CNTNAP2: variants seen among roughly 807,000 people sequenced by gnomAD.
The protein encoded by CNTNAP2 is contactin-associated protein-like 2.
Under a neutral mutation model 155.2 loss-of-function variants are expected in CNTNAP2, and 98 were observed. The observed-to-expected ratio is 0.63, with a 90% confidence interval of 0.54 to 0.75. CNTNAP2 has a LOEUF of 0.75. CNTNAP2 is among the 30% of genes least tolerant of loss of function. The pLI, the probability that CNTNAP2 is intolerant of heterozygous loss-of-function variation, is 0.00. For synonymous variants in CNTNAP2, 651 were observed against 631.2 expected, an observed-to-expected ratio of 1.03 and a Z score of -0.47; for missense variants, 1,727 against 1,688.1, an observed-to-expected ratio of 1.02 and a Z score of -0.40.
chr7:147,198,200 C>A (rs978372433), intron 8 of CNTNAP2, among the ~76,000 whole-genome samples: 4 of 149,416 alleles, frequency 2.7e-5, no homozygotes, highest in Admixed American at 6.7e-5. Context: ...ACTTGGCTAA[C>A]CAAAATGCCA....
At chr7:147,538,334 C>T (rs1180606412) in intron 11 of CNTNAP2, among the ~76,000 whole-genome samples, 1 of 152,060 alleles carries the variant, frequency 6.6e-6, no homozygotes, top group East Asian at 1.9e-4. Flanking sequence ...CCCTGTTAAA[C>T]AATTAGTAAA....
At chr7:148,147,884 C>T (rs888536584) in intron 17 of CNTNAP2, among the ~76,000 whole-genome samples, 175 bp downstream of exon 17, 1 of 152,170 alleles carries the variant, frequency 6.6e-6, no homozygotes, top group African/African-American at 2.4e-5. Context: ...GAAGAAGTTT[C>T]AGGAGACCTA....
chr7:146,824,320 C>G (rs1181760321), intron 2 of CNTNAP2, among the ~76,000 whole-genome samples: 1 of 152,148 alleles, frequency 6.6e-6, no homozygotes, highest in African/African-American at 2.4e-5. Context: ...CAAGTCTTTG[C>G]TATCATAAAT....
intron 16 of CNTNAP2, among the ~76,000 whole-genome samples, chr7:148,143,414 C>A (rs1805114016): frequency 6.6e-6 from 1 of 152,158 alleles, no homozygotes; most frequent in African/African-American, 2.4e-5. Context: ...TGTGGTGGCT[C>A]ATGCCTGTAA....
intron 1 of CNTNAP2, among the ~76,000 whole-genome samples, chr7:146,554,268 A>T (rs867619525): frequency 2.6e-5 from 4 of 152,194 alleles, no homozygotes; most frequent in Non-Finnish European, 2.9e-5. Flanking sequence ...ACTCATTTTT[A>T]TAGCTTCTAA....
At chr7:147,056,302 T>C (rs1231143447) in intron 4 of CNTNAP2, among the ~76,000 whole-genome samples, 1 of 152,206 alleles carries the variant, frequency 6.6e-6, no homozygotes, top group Admixed American at 6.5e-5. Flanking sequence ...GCTGTATTTG[T>C]GTATCATAAA....
At chr7:146,582,701 C>A (rs545650250) in intron 1 of CNTNAP2, among the ~76,000 whole-genome samples, 1 of 152,120 alleles carries the variant, frequency 6.6e-6, no homozygotes, top group East Asian at 1.9e-4. Flanking sequence ...ATGCAGAGAC[C>A]AGATCACTCT....
At chr7:147,653,535 A>T (rs1452741068) in intron 13 of CNTNAP2, among the ~76,000 whole-genome samples, 1 of 152,206 alleles carries the variant, frequency 6.6e-6, no homozygotes, top group Non-Finnish European at 1.5e-5. Context: ...AAAACAAACA[A>T]ACAAAAATAT....
At chr7:147,927,739 C>T (rs1417754610) in intron 14 of CNTNAP2, among the ~76,000 whole-genome samples, 4 of 152,132 alleles carry the variant, frequency 2.6e-5, no homozygotes, top group Admixed American at 2.6e-4. Flanking sequence ...GAAATAACTA[C>T]TGATATTCCC....
chr7:146,361,999 T>C (rs2191699), intron 1 of CNTNAP2, among the ~76,000 whole-genome samples: 34,090 of 152,052 alleles, frequency 0.22, 8,041 homozygotes, highest in African/African-American at 0.6. Flanking sequence ...TATTAAAAAA[T>C]ATATAAATAG....
intron 1 of CNTNAP2, among the ~76,000 whole-genome samples, chr7:146,627,961 C>A (rs1188752246): frequency 6.6e-6 from 1 of 152,006 alleles, no homozygotes; most frequent in Non-Finnish European, 1.5e-5. Flanking sequence ...TATGTATATA[C>A]AAATTTATGT....
intron 21 of CNTNAP2, among the ~76,000 whole-genome samples, chr7:148,374,748 C>T (rs1320487518): frequency 1.3e-5 from 2 of 152,186 alleles, no homozygotes; most frequent in African/African-American, 4.8e-5. Context: ...GAGTAAGAAG[C>T]AGGTCTGTTC....
chr7:147,301,560 A>G (rs2116772485), intron 9 of CNTNAP2, among the ~76,000 whole-genome samples: 1 of 151,238 alleles, frequency 6.6e-6, no homozygotes, highest in Non-Finnish European at 1.5e-5. Context: ...TTAATTAAAT[A>G]TATAGTTATA....
At chr7:148,247,365 C>T (rs548232130) in intron 20 of CNTNAP2, among the ~76,000 whole-genome samples, 2 of 152,196 alleles carry the variant, frequency 1.3e-5, no homozygotes, top group Non-Finnish European at 2.9e-5. Flanking sequence ...AATCAGCCCT[C>T]GACCCTTCTC....
chr7:148,095,254 G>A (rs912278668), intron 15 of CNTNAP2, among the ~76,000 whole-genome samples: 6 of 152,122 alleles, frequency 3.9e-5, no homozygotes, highest in Admixed American at 6.5e-5. Context: ...ATGAGCCTGC[G>A]CTGTTCAGTA....
chr7:147,264,024 A>G (rs1167918114), intron 8 of CNTNAP2, among the ~76,000 whole-genome samples: 1 of 152,186 alleles, frequency 6.6e-6, no homozygotes, highest in Non-Finnish European at 1.5e-5. Flanking sequence ...TAGCATTCCA[A>G]CCTAGGAAGC....
intron 11 of CNTNAP2, among the ~76,000 whole-genome samples, chr7:147,504,631 G>A (rs1378923154): frequency 6.6e-6 from 1 of 150,780 alleles, no homozygotes; most frequent in Non-Finnish European, 1.5e-5. Context: ...AGAGGTTGCA[G>A]TGACCCGAGA....
chr7:147,616,035 A>T (rs1801284849), intron 12 of CNTNAP2, among the ~76,000 whole-genome samples: 4 of 152,028 alleles, frequency 2.6e-5, no homozygotes, highest in Admixed American at 1.3e-4. Context: ...ATTCAGTCCA[A>T]AATTCTCACA....
At chr7:148,165,605 C>T (rs574059953) in intron 17 of CNTNAP2, among the ~76,000 whole-genome samples, 135 of 152,288 alleles carry the variant, frequency 8.9e-4, no homozygotes, top group Non-Finnish European at 1.5e-3. Flanking sequence ...CACACTCCTA[C>T]GCGGTGCATA....
Sources: allele counts gnomAD v4.1 joint callset (sites outside exome capture counted in the v4.1 genomes callset), GRCh38; gene constraint gnomAD v4.1.1; transcripts MANE v1.5; gene names NCBI Gene and HGNC (gene_info 2026-07-23, HGNC 2026-07-21).